NELL2: variants seen among roughly 807,000 people sequenced by gnomAD.
NELL2 encodes the protein protein kinase C-binding protein NELL2.
NELL2 carries 41 observed loss-of-function variants against 109.6 expected under a neutral mutation model. The observed-to-expected ratio is 0.37, with a 90% CI of 0.29 to 0.49. The LOEUF (loss-of-function observed/expected upper bound fraction) is 0.49, where lower values mean the gene tolerates loss of function less well. Ranked by LOEUF, NELL2 falls within the 20% of genes least tolerant of loss-of-function variation. The pLI is 0.98. For missense variants in NELL2, 900 were observed against 1,008.3 expected (o/e 0.89, Z 1.45); for synonymous variants, 355 against 344.7 (o/e 1.03, Z -0.33).
At chr12:44,743,030 A>C (rs1309208203) in intron 9 of NELL2, among the ~76,000 whole-genome samples, 1 of 152,178 alleles carries the variant, frequency 6.6e-6, no homozygotes, top group Non-Finnish European at 1.5e-5. Flanking sequence ...TGAAGGAAAA[A>C]ATGTTAAGGG....
chr12:44,771,832 T>C (rs937957747), intron 9 of NELL2, among the ~76,000 whole-genome samples: 7 of 152,110 alleles, frequency 4.6e-5, no homozygotes, highest in Admixed American at 3.3e-4. Context: ...AGCTGCAAAA[T>C]AGGACTGCCC....
intron 9 of NELL2, among the ~76,000 whole-genome samples, chr12:44,760,791 A>C (rs1013901382): frequency 6.6e-6 from 1 of 152,198 alleles, no homozygotes; most frequent in African/African-American, 2.4e-5. Context: ...GGGGACATTC[A>C]GAGGCTGGAT....
At chr12:44,531,894 T>C (rs1450063390) in intron 16 of NELL2, among the ~76,000 whole-genome samples, 5 of 152,218 alleles carry the variant, frequency 3.3e-5, no homozygotes, top group African/African-American at 9.6e-5. Flanking sequence ...TGACAATTAT[T>C]CATGGGGCTC....
chr12:44,590,896 A>G (rs1398328876), intron 15 of NELL2, among the ~76,000 whole-genome samples: 2 of 150,942 alleles, frequency 1.3e-5, no homozygotes, highest in Non-Finnish European at 2.9e-5. Flanking sequence ...TGCAGAATAT[A>G]CAAAAAAAAA....
intron 1 of NELL2, among the ~76,000 whole-genome samples, chr12:44,909,467 C>T (rs1416712666): frequency 6.6e-6 from 1 of 151,676 alleles, no homozygotes; most frequent in African/African-American, 2.4e-5. Flanking sequence ...ATATGACATG[C>T]TCATGGACTA....
intron 13 of NELL2, among the ~76,000 whole-genome samples, chr12:44,638,998 A>G (rs1030990889): frequency 6.6e-6 from 1 of 152,218 alleles, no homozygotes; most frequent in African/African-American, 2.4e-5. Flanking sequence ...ATTTCAACAT[A>G]TAATCAATAT....
intron 9 of NELL2, among the ~76,000 whole-genome samples, chr12:44,753,994 G>A (rs1265471024): frequency 6.6e-6 from 1 of 152,056 alleles, no homozygotes; most frequent in Non-Finnish European, 1.5e-5. Context: ...ATTTTGAGGT[G>A]GAAAATTCGT....
intron 9 of NELL2, among the ~76,000 whole-genome samples, chr12:44,746,799 A>G (rs1244330035): frequency 6.6e-6 from 1 of 152,202 alleles, no homozygotes; most frequent in Non-Finnish European, 1.5e-5. Context: ...TCAAGAAACA[A>G]CAGGTGCTGG....
At chr12:44,875,656 G>GAA (rs11373833) in intron 1 of NELL2, 159 bp downstream of exon 1, 3,737 of 1,320,944 alleles carry the variant, frequency 2.8e-3, no homozygotes, top group South Asian at 0.01. Flanking sequence ...GGCAAGCACA[G>GAA]AAAAAAAAAA....
intron 13 of NELL2, among the ~76,000 whole-genome samples, chr12:44,662,438 C>T (rs924597245): frequency 6.6e-6 from 1 of 152,042 alleles, no homozygotes; most frequent in Non-Finnish European, 1.5e-5. Context: ...ATATTCCAGC[C>T]CCCTTTGCTT....
At chr12:44,850,399 T>G (rs1435723677) in intron 2 of NELL2, among the ~76,000 whole-genome samples, 1 of 152,134 alleles carries the variant, frequency 6.6e-6, no homozygotes, top group African/African-American at 2.4e-5. Context: ...CATTCACTTA[T>G]TAGTAATTTT....
At chr12:44,693,419 G>C (rs1038611449) in intron 12 of NELL2, among the ~76,000 whole-genome samples, 3 of 152,148 alleles carry the variant, frequency 2.0e-5, no homozygotes, top group Non-Finnish European at 4.4e-5. Flanking sequence ...CTTTATTGCA[G>C]TGGTCTGGAA....
intron 13 of NELL2, among the ~76,000 whole-genome samples, chr12:44,628,450 A>G (rs973901543): frequency 1.7e-4 from 26 of 152,156 alleles, no homozygotes; most frequent in Non-Finnish European, 5.9e-5. Context: ...AGGTGTTGAA[A>G]TACATTTGTT....
intron 12 of NELL2, among the ~76,000 whole-genome samples, chr12:44,691,698 A>T (rs535171353): frequency 6.3e-4 from 96 of 152,320 alleles, no homozygotes; most frequent in Middle Eastern, 3.4e-3. Flanking sequence ...CACATGAATT[A>T]TAGAAAGTGA....
intron 15 of NELL2, among the ~76,000 whole-genome samples, chr12:44,543,499 A>G (rs951034110): frequency 6.6e-6 from 1 of 152,150 alleles, no homozygotes; most frequent in Non-Finnish European, 1.5e-5. Flanking sequence ...CTCAGATCCT[A>G]TTTCCCATTC....
At chr12:44,577,530 A>G (rs1235318042) in intron 15 of NELL2, among the ~76,000 whole-genome samples, 1 of 127,230 alleles carries the variant, frequency 7.9e-6, no homozygotes, top group Non-Finnish European at 1.5e-5. Flanking sequence ...GCTGGAGTGC[A>G]GTGGCACGAT....
chr12:44,821,515 A>G (rs900659642), intron 2 of NELL2, among the ~76,000 whole-genome samples: 1 of 152,196 alleles, frequency 6.6e-6, no homozygotes, highest in Non-Finnish European at 1.5e-5. Context: ...CATTTTACTC[A>G]TTTGCATTTC....
At chr12:44,560,796 T>C (rs961747324) in intron 15 of NELL2, among the ~76,000 whole-genome samples, 2 of 151,688 alleles carry the variant, frequency 1.3e-5, no homozygotes, top group South Asian at 2.1e-4. Flanking sequence ...AACCAAACAA[T>C]AGAAAAAGAA....
At chr12:44,742,035 A>G (rs1314966545) in intron 9 of NELL2, among the ~76,000 whole-genome samples, 1 of 152,188 alleles carries the variant, frequency 6.6e-6, no homozygotes, top group African/African-American at 2.4e-5. Context: ...CTGACCTCCA[A>G]GTAGCCTAAC....
Sources: allele counts gnomAD v4.1 joint callset (sites outside exome capture counted in the v4.1 genomes callset), GRCh38; gene constraint gnomAD v4.1.1; transcripts MANE v1.5; gene names NCBI Gene and HGNC (gene_info 2026-07-23, HGNC 2026-07-21).